The following PDE10A variants were observed in gnomAD, a reference collection of about 807,000 sequenced individuals.
PDE10A encodes phosphodiesterase 10A.
Under a neutral mutation model 97.7 loss-of-function variants are expected in PDE10A, and 39 were observed. The ratio of observed to expected loss-of-function variants is 0.40; its 90% CI spans 0.31 to 0.52. The LOEUF (loss-of-function observed/expected upper bound fraction) is 0.52. PDE10A is among the 20% of genes least tolerant of loss of function. PDE10A has a pLI of 0.56. For synonymous variants in PDE10A, 371 were observed against 376.8 expected (o/e 0.98, Z 0.18); for missense variants, 731 against 1,047.8 (o/e 0.70, Z 4.17).
intron 1 of PDE10A, among the ~76,000 whole-genome samples, chr6:165,982,820 C>T (rs1218039666): frequency 6.6e-6 from 1 of 152,010 alleles, no homozygotes; most frequent in African/African-American, 2.4e-5. Context: ...TATAATCAAC[C>T]AAACATTGTA....
At chr6:165,981,910 A>G (rs1367573291) in intron 1 of PDE10A, among the ~76,000 whole-genome samples, 1 of 152,238 alleles carries the variant, frequency 6.6e-6, no homozygotes, top group Non-Finnish European at 1.5e-5. Flanking sequence ...TCTGTTGGAA[A>G]GATCAATCCA....
chr6:165,557,017 T>A (rs1784290921), intron 1 of PDE10A, among the ~76,000 whole-genome samples: 1 of 152,076 alleles, frequency 6.6e-6, no homozygotes, highest in Admixed American at 6.6e-5. Flanking sequence ...CATGCGCCTG[T>A]CATTCCAGCT....
At chr6:165,604,419 C>A (rs1787109237) in intron 1 of PDE10A, among the ~76,000 whole-genome samples, 1 of 151,486 alleles carries the variant, frequency 6.6e-6, no homozygotes. Flanking sequence ...TAGCTGACAT[C>A]AGCCCCTTCT....
intron 1 of PDE10A, among the ~76,000 whole-genome samples, chr6:165,728,819 T>C (rs1351111831): frequency 6.6e-6 from 1 of 152,176 alleles, no homozygotes; most frequent in African/African-American, 2.4e-5. Context: ...AGACTTGTCT[T>C]TGGGGCTTGA....
intron 1 of PDE10A, among the ~76,000 whole-genome samples, chr6:165,607,930 G>C (rs1787289613): frequency 6.6e-6 from 1 of 152,048 alleles, no homozygotes; most frequent in Non-Finnish European, 1.5e-5. Flanking sequence ...TGAGTTTGCA[G>C]AGAACAGAAG....
chr6:165,643,880 T>C (rs567783592), intron 1 of PDE10A, among the ~76,000 whole-genome samples: 1 of 152,228 alleles, frequency 6.6e-6, no homozygotes, highest in African/African-American at 2.4e-5. Flanking sequence ...GGTTAAGTGA[T>C]AGATATGTTA....
intron 4 of PDE10A, among the ~76,000 whole-genome samples, chr6:165,449,865 A>G: frequency 6.6e-6 from 1 of 152,150 alleles, no homozygotes; most frequent in Non-Finnish European, 1.5e-5. Flanking sequence ...CCATTTCTTA[A>G]ATGGTATATA....
At chr6:165,369,519 GT>G (rs1784070955) in intron 18 of PDE10A, among the ~76,000 whole-genome samples, 1 of 135,496 alleles carries the variant, frequency 7.4e-6, no homozygotes, top group Non-Finnish European at 1.6e-5. Context: ...CGAGAAGGAA[GT>G]TTAGAGAAAA....
chr6:165,657,920 G>T (rs900812600), intron 1 of PDE10A, among the ~76,000 whole-genome samples: 1 of 152,162 alleles, frequency 6.6e-6, no homozygotes, highest in Non-Finnish European at 1.5e-5. Flanking sequence ...TGCTTTGCTG[G>T]TCATTTTTGT....
chr6:165,417,668 T>G (rs1410013216), intron 11 of PDE10A, among the ~76,000 whole-genome samples: 1 of 151,926 alleles, frequency 6.6e-6, no homozygotes, highest in Non-Finnish European at 1.5e-5. Flanking sequence ...ACAAAAAAAT[T>G]TTAAAACCCA....
intron 13 of PDE10A, among the ~76,000 whole-genome samples, chr6:165,411,086 C>CAAAA (rs71026688): frequency 4.2e-4 from 18 of 43,076 alleles, no homozygotes; most frequent in African/African-American, 1.4e-3. Flanking sequence ...GACTCCGCCT[C>CAAAA]AAAAAAAAAA....
At chr6:165,942,475 G>C (rs753788965) in intron 1 of PDE10A, among the ~76,000 whole-genome samples, 1 of 152,076 alleles carries the variant, frequency 6.6e-6, no homozygotes, top group Non-Finnish European at 1.5e-5. Context: ...GGAGGCTGTC[G>C]AGGGAGATGT....
rs1262638466 is a variant in PDE10A at position 165,327,653 on chromosome 6, A to G, written c.*5372T>C. ...CAATATTTATAATTTATAAATGCAA[A>G]GTTAAGACCTCTTTAAATTATTGCA... On this transcript the variant is annotated 3_prime_UTR_variant, in exon 22 of 22. Coordinates refer to ENST00000539869, the MANE Select transcript of PDE10A (RefSeq NM_001385079.1). 6.6e-6 allele frequency: 1 copy of G among 152,236 alleles called. No individual in the cohort carries two copies. The highest frequency in any genetic ancestry group is 2.4e-5 in the African/African-American group (1 of 41,474). 9.4% of individuals were successfully genotyped at this position (152,236 alleles called of 1,614,324 possible). A position where few individuals can be genotyped will look rare whatever the true frequency, so the allele number is the denominator to read the frequency against.
chr6:165,721,040 G>A (rs536022825), intron 1 of PDE10A, among the ~76,000 whole-genome samples: 2 of 152,306 alleles, frequency 1.3e-5, no homozygotes, highest in Middle Eastern at 3.4e-3. Context: ...AATGTTACAC[G>A]GAACAGTAAC....
At chr6:165,643,275 GCAGA>G (rs995976581) in intron 1 of PDE10A, among the ~76,000 whole-genome samples, 1 of 149,622 alleles carries the variant, frequency 6.7e-6, no homozygotes, top group Non-Finnish European at 1.5e-5. Context: ...GGAGAGACGA[GCAGA>G]CAGACAGATG....
At chr6:165,933,568 A>T (rs1046732215) in intron 1 of PDE10A, among the ~76,000 whole-genome samples, 1 of 152,222 alleles carries the variant, frequency 6.6e-6, no homozygotes, top group Non-Finnish European at 1.5e-5. Flanking sequence ...ACAAATTCAC[A>T]TGGGAAGCAG....
chr6:165,783,946 G>A (rs374325483), intron 1 of PDE10A, among the ~76,000 whole-genome samples: 45 of 152,252 alleles, frequency 3.0e-4, no homozygotes, highest in African/African-American at 6.3e-4. Context: ...TTGGCCGGGC[G>A]CGGTGGCTCA....
At chr6:165,800,047 C>T (rs1403160784) in intron 1 of PDE10A, among the ~76,000 whole-genome samples, 1 of 152,228 alleles carries the variant, frequency 6.6e-6, no homozygotes, top group African/African-American at 2.4e-5. Context: ...AAGTACATTT[C>T]AGTCTCTCCT....
chr6:165,401,713 C>T lies in PDE10A; in HGVS notation c.2077-5254G>A, dbSNP rs947893597. Among the ~76,000 whole-genome samples, 8 of 152,162 alleles carry T rather than the reference C, an allele frequency of 5.3e-5. No homozygotes were observed. In the East Asian group the frequency reaches 7.7e-4, roughly 15 times the overall value. On this transcript the variant is annotated intron_variant, in intron 13 of 21. Coordinates refer to ENST00000539869, the MANE Select transcript of PDE10A (RefSeq NM_001385079.1). ...CACTGCTGTCACCTTTTCCTAGCTG[C>T]GCAAGGCCCACTCTGTGAGAGGAGA...
Sources: allele counts gnomAD v4.1 joint callset (sites outside exome capture counted in the v4.1 genomes callset), GRCh38; gene constraint gnomAD v4.1.1; transcripts MANE v1.5; gene names NCBI Gene and HGNC (gene_info 2026-07-23, HGNC 2026-07-21).